WDR27: variants seen among roughly 807,000 people sequenced by gnomAD.
WDR27 encodes the protein WD repeat domain 27.
A neutral mutation model predicts 114.4 loss-of-function variants in WDR27; 100 were observed. That is an observed-to-expected ratio of 0.87 (90% CI 0.74 to 1.03). WDR27 has a LOEUF of 1.03. Ranked by LOEUF, WDR27 falls within the 50% of genes least tolerant of loss-of-function variation. The pLI, the probability that WDR27 is intolerant of heterozygous loss-of-function variation, is 0.00. For missense variants in WDR27, 1,129 were observed against 1,092.9 expected, an observed-to-expected ratio of 1.03 and a Z score of -0.47; for synonymous variants, 449 against 423.1, an observed-to-expected ratio of 1.06 and a Z score of -0.75.
chr6:169,483,248 G>T (rs1412172693), intron 25 of WDR27, among the ~76,000 whole-genome samples: 3 of 152,112 alleles, frequency 2.0e-5, no homozygotes, highest in Non-Finnish European at 4.4e-5. Context: ...CCAGAAGTTG[G>T]TTTTTTGAAA....
intron 17 of WDR27, among the ~76,000 whole-genome samples, chr6:169,641,818 G>T (rs1390203685): frequency 6.6e-6 from 1 of 152,198 alleles, no homozygotes; most frequent in Non-Finnish European, 1.5e-5. Context: ...ACTTCACAAC[G>T]ATCACCGCTA....
intron 25 of WDR27, among the ~76,000 whole-genome samples, chr6:169,547,127 CAAG>C (rs938090267): frequency 4.6e-5 from 7 of 152,208 alleles, no homozygotes; most frequent in Admixed American, 4.6e-4. Flanking sequence ...AAAACTCACA[CAAG>C]AAGAAACAAT....
chr6:169,447,301 A>T, the WDR27 span, among the ~76,000 whole-genome samples: 1 of 152,256 alleles, frequency 6.6e-6, no homozygotes, highest in Non-Finnish European at 1.5e-5. Context: ...GTCAGGGAAG[A>T]AAGCCAGTTT....
At chr6:169,621,549 T>C (rs1228580730) in intron 21 of WDR27, among the ~76,000 whole-genome samples, 4 of 126,290 alleles carry the variant, frequency 3.2e-5, no homozygotes, top group African/African-American at 1.2e-4. Context: ...CGCATATACA[T>C]ACACACACGC....
At chr6:169,653,059 G>A (rs539852877) in intron 13 of WDR27, among the ~76,000 whole-genome samples, 92 of 152,316 alleles carry the variant, frequency 6.0e-4, no homozygotes, top group Non-Finnish European at 1.0e-3. Flanking sequence ...TCCCAAATGC[G>A]CAGCCGTCCA....
chr6:169,507,863 A>G (rs529671749), intron 25 of WDR27, among the ~76,000 whole-genome samples: 3 of 151,918 alleles, frequency 2.0e-5, no homozygotes, highest in African/African-American at 7.3e-5. Context: ...CACATGTGGC[A>G]CTCTCACAGC....
intron 2 of WDR27, among the ~76,000 whole-genome samples, chr6:169,683,163 C>T (rs1781968010): frequency 6.6e-6 from 1 of 152,158 alleles, no homozygotes; most frequent in African/African-American, 2.4e-5. Flanking sequence ...TAACAGAAAA[C>T]TTTCCAAACC....
At chr6:169,661,291 G>A (rs1393932798) in intron 9 of WDR27, among the ~76,000 whole-genome samples, 1 of 152,226 alleles carries the variant, frequency 6.6e-6, no homozygotes, top group East Asian at 1.9e-4. Context: ...GACTAGACTT[G>A]AAGGCCACAC....
intron 24 of WDR27, among the ~76,000 whole-genome samples, chr6:169,576,643 T>C (rs1344916643): frequency 6.6e-6 from 1 of 151,888 alleles, no homozygotes; most frequent in African/African-American, 2.4e-5. Flanking sequence ...GGTGCATGCC[T>C]GTAGTATCAG....
chr6:169,438,256 G>C, the WDR27 span, among the ~76,000 whole-genome samples: 1 of 58,812 alleles, frequency 1.7e-5, no homozygotes, highest in African/African-American at 6.5e-5. Context: ...TTTTTTTTTT[G>C]AGACGGAGTC....
intron 21 of WDR27, among the ~76,000 whole-genome samples, chr6:169,619,313 G>A (rs1361746274): frequency 6.6e-6 from 1 of 152,154 alleles, no homozygotes; most frequent in African/African-American, 2.4e-5. Context: ...TCTTCACAAG[G>A]CCAACTTGTA....
At chr6:169,695,838 A>C (rs1197684095) in intron 1 of WDR27, among the ~76,000 whole-genome samples, 2 of 152,152 alleles carry the variant, frequency 1.3e-5, no homozygotes, top group Non-Finnish European at 2.9e-5. Context: ...AGCTAGAGAG[A>C]GAAGAGTTGG....
intron 14 of WDR27, 140 bp from the exon 15 acceptor site, chr6:169,649,415 C>T (rs1306304945): frequency 1.5e-6 from 1 of 674,040 alleles, no homozygotes. Flanking sequence ...TCCCACCTGT[C>T]CTCCAGCCCT....
chr6:169,516,818 C>T (rs75279657), intron 25 of WDR27, among the ~76,000 whole-genome samples: 2,802 of 151,610 alleles, frequency 0.018, 55 homozygotes, highest in East Asian at 0.05. Flanking sequence ...CACACACACA[C>T]ACACACACAC....
the WDR27 span, among the ~76,000 whole-genome samples, chr6:169,430,388 T>G: frequency 6.6e-6 from 1 of 152,128 alleles, no homozygotes; most frequent in Non-Finnish European, 1.5e-5. Flanking sequence ...ATCAGATGTG[T>G]GGTGTGAAAG....
At chr6:169,439,852 A>G in the WDR27 span, among the ~76,000 whole-genome samples, 1 of 147,052 alleles carries the variant, frequency 6.8e-6, no homozygotes, top group Non-Finnish European at 1.5e-5. Context: ...ATAATCGTTA[A>G]TTATATTACC....
At chr6:169,524,305 T>C (rs1161565699) in intron 25 of WDR27, among the ~76,000 whole-genome samples, 2 of 152,150 alleles carry the variant, frequency 1.3e-5, no homozygotes, top group Non-Finnish European at 2.9e-5. Flanking sequence ...AATGGAAAGA[T>C]ATTCCATGCT....
chr6:169,516,786 C>CTAA (rs1179272399), intron 25 of WDR27, among the ~76,000 whole-genome samples: 4 of 139,946 alleles, frequency 2.9e-5, no homozygotes, highest in African/African-American at 1.1e-4. Context: ...AAGGCATGCT[C>CTAA]CAACACACAC....
intron 25 of WDR27, among the ~76,000 whole-genome samples, chr6:169,524,683 G>A (rs1794756267): frequency 6.6e-6 from 1 of 152,148 alleles, no homozygotes; most frequent in Admixed American, 6.5e-5. Flanking sequence ...AATGGAGAAA[G>A]GACAGTCTCT....
Sources: gnomAD v4.1 joint callset for allele counts (sites outside exome capture counted in the v4.1 genomes callset) on GRCh38, gnomAD v4.1.1 for gene constraint, MANE v1.5 for transcripts, NCBI Gene and HGNC (gene_info 2026-07-23, HGNC 2026-07-21) for gene names.